EP400: variants seen among roughly 807,000 people sequenced by gnomAD.
EP400 encodes E1A-binding protein p400.
In EP400, 105 loss-of-function variants were observed where a neutral mutation model predicts 354.1. The observed-to-expected ratio is 0.30, with a 90% CI of 0.25 to 0.35. The LOEUF is 0.35. Ranked by LOEUF, EP400 falls within the 10% of genes least tolerant of loss-of-function variation. The pLI is 1.00. For synonymous variants in EP400, 1,646 were observed against 1,716.9 expected, an observed-to-expected ratio of 0.96 and a Z score of 1.02; for missense variants, 3,280 against 4,121.0, an observed-to-expected ratio of 0.80 and a Z score of 5.59.
rs1044824363 is a variant in EP400 at position 131,950,430 on chromosome 12, G to T, written c.-36+394G>T. Among the ~76,000 whole-genome samples, 21 of 152,294 alleles carry T rather than the reference G, an allele frequency of 1.4e-4. No homozygotes were observed. The East Asian group carries it at 3.5e-3, about 25-fold the overall frequency. ...GGTGGCTCTTGCTCCTGGCGCTTGCGTGGGCTTCCCTCGGGGTCACGGACG... is the reference window on the plus strand; with the variant it reads ...GGTGGCTCTTGCTCCTGGCGCTTGCTTGGGCTTCCCTCGGGGTCACGGACG... On this transcript the variant is annotated intron_variant, in intron 1 of 52. Transcript: ENST00000389561.
At chr12:131,953,390 T>G (rs538694480) in intron 1 of EP400, among the ~76,000 whole-genome samples, 153 of 152,354 alleles carry the variant, frequency 1.0e-3, no homozygotes, top group African/African-American at 3.5e-3. Context: ...CCTGTTCTAG[T>G]ATAGGAGCTT....
chr12:132,058,740 T>A (rs1033069251), intron 45 of EP400, among the ~76,000 whole-genome samples: 1 of 151,962 alleles, frequency 6.6e-6, no homozygotes, highest in Non-Finnish European at 1.5e-5. Context: ...TGCTCCTACG[T>A]ATGTAGAATT....
chr12:132,005,556 A>T (rs1266084825), intron 13 of EP400, among the ~76,000 whole-genome samples: 2 of 152,206 alleles, frequency 1.3e-5, no homozygotes, highest in African/African-American at 4.8e-5. Flanking sequence ...CACAGAGCAT[A>T]CCAGAAAAGG....
chr12:131,954,048 G>GT (rs1891607826), intron 1 of EP400, among the ~76,000 whole-genome samples: 2 of 152,134 alleles, frequency 1.3e-5, no homozygotes, highest in African/African-American at 4.8e-5. Context: ...AGGAGACAGA[G>GT]GTTGCAGTGA....
At chr12:132,041,430 T>G (rs887804177) in intron 32 of EP400, among the ~76,000 whole-genome samples, 9 of 152,244 alleles carry the variant, frequency 5.9e-5, no homozygotes, top group Non-Finnish European at 1.2e-4. Flanking sequence ...CTCTTGCGAA[T>G]TCTGACAGCA....
intron 45 of EP400, among the ~76,000 whole-genome samples, chr12:132,057,279 A>G (rs1288964993): frequency 6.6e-6 from 1 of 152,250 alleles, no homozygotes; most frequent in African/African-American, 2.4e-5. Context: ...CAGCTGGTGA[A>G]TGGGCTGATA....
At chr12:132,005,379 C>T (rs933775142) in intron 13 of EP400, among the ~76,000 whole-genome samples, 195 bp downstream of exon 13, 18 of 152,184 alleles carry the variant, frequency 1.2e-4, no homozygotes, top group African/African-American at 3.9e-4. Flanking sequence ...GCACAGTTAT[C>T]GGGGCACTTG....
intron 45 of EP400, among the ~76,000 whole-genome samples, chr12:132,061,771 G>A (rs1051388520): frequency 1.3e-5 from 2 of 152,254 alleles, no homozygotes; most frequent in Non-Finnish European, 2.9e-5. Context: ...TTTGTGGGTA[G>A]CATGGGTGCC....
At position 132,021,278 on chromosome 12, in the gene EP400, TCAGAGG is replaced by T; in HGVS notation, c.4649_4654del (p.Gln1550_Arg1551del). 6.5e-7 allele frequency: 1 copy of T among 1,529,574 alleles called. No individual in the cohort carries two copies. Among genetic ancestry groups the T allele is most frequent in the Non-Finnish European group, 8.7e-7 (1 of 1,144,278 alleles). The allele number at this position is 1,529,574 out of a possible 1,614,324, so 94.8% of individuals were successfully genotyped here. A position where few individuals can be genotyped will look rare whatever the true frequency, so the allele number is the denominator to read the frequency against. The stretch of plus-strand genomic sequence containing the variant: ...ACGCGGCCGGGCAGAGCGCGCTGCC[TCAGAGG>T]CTGGTGCTCCCCTCGCAGGCCCAGG... On this transcript the variant is annotated inframe_deletion, in exon 23 of 53. Transcript: ENST00000389561.
chr12:132,055,346 G>A (rs1425030197), intron 45 of EP400, 138 bp downstream of exon 45: 3 of 745,974 alleles, frequency 4.0e-6, no homozygotes, highest in African/African-American at 1.8e-5. Flanking sequence ...AAAATAAGTA[G>A]CTGATCAGTA....
Position 132,027,601 on chromosome 12 carries a change from G to A in EP400, c.5109+70G>A. 7.6e-7 allele frequency: 1 copy of A among 1,311,654 alleles called. No homozygotes were observed. Among genetic ancestry groups the A allele is most frequent in the Non-Finnish European group, 1.0e-6 (1 of 957,212 alleles). The allele number at this position is 1,311,654 out of a possible 1,614,324, so 81.3% of individuals were successfully genotyped here. A position where few individuals can be genotyped will look rare whatever the true frequency, so the allele number is the denominator to read the frequency against. ...TTTCCAAGAGCTGCTCGTTGTGTTT[G>A]GTTGTGATATTTAAAGGCTCCTGTG... On this transcript the variant is annotated intron_variant, in intron 26 of 52. Coordinates refer to ENST00000389561, the MANE Select transcript of EP400 (RefSeq NM_015409.5). The surrounding 1 kb of genome is among the most constrained non-coding windows in gnomAD (Gnocchi z 4.9).
chr12:131,956,990 G>C (rs529460310), intron 1 of EP400, among the ~76,000 whole-genome samples: 4 of 148,240 alleles, frequency 2.7e-5, no homozygotes, highest in Non-Finnish European at 4.4e-5. Context: ...TCCTGCCTCA[G>C]CCTCCCAAGT....
Position 132,052,558 on chromosome 12 carries a change from C to T in EP400, c.7395-588C>T, listed in dbSNP as rs1895332973. On this transcript the variant is annotated intron_variant, in intron 41 of 52. Transcript: ENST00000389561. This position sits in a 1 kb window ranked among gnomAD's most constrained non-coding sequence, Gnocchi z 4.4. ...TCCTCCATAGCAGCCAGTACGTCTT[C>T]AGACCCACTGCACATTTTACCTGTT... 6.6e-6 allele frequency among the ~76,000 whole-genome samples: 1 copy of T among 152,252 alleles called. No individual in the cohort carries two copies. The highest frequency in any genetic ancestry group is 1.5e-5 in the Non-Finnish European group (1 of 68,038).
rs762373484 is a variant in EP400, at chr12:131,987,787, C to T, written c.2306C>T (p.Ala769Val). 6.8e-6 allele frequency: 11 copies of T among 1,612,896 alleles called. No homozygotes were observed. The highest frequency in any genetic ancestry group is 8.5e-6 in the Non-Finnish European group (10 of 1,179,910). ...AGGCGTCTGCCAAAGCTGCAGGAGG[C>T]CCCACGCCCCAAGTCCCACTGGGAC... ...SQRRLPKLQE[A>V]PRPKSHWDYL... is the part of the protein sequence containing the mutation. Residue 769 changes from alanine (A) to valine (V), a missense_variant, in exon 7 of 53, where the codon GCC (alanine) becomes GTC (valine). Physicochemically the swap from Ala to Val is moderately conservative, Grantham distance 64. Around this residue, in one of 20 missense-constraint regions of EP400, gnomAD observed 800 missense variants for 840.0 expected, o/e 0.95. Coordinates refer to ENST00000389561, the MANE Select transcript of EP400 (RefSeq NM_015409.5).
At chr12:131,981,245 C>T (rs1464799253) in intron 3 of EP400, among the ~76,000 whole-genome samples, 3 of 152,312 alleles carry the variant, frequency 2.0e-5, no homozygotes, top group African/African-American at 7.2e-5. Flanking sequence ...CCGTCACACA[C>T]GTTGCAGTGT....
chr12:132,014,421 C>T (rs1430254695), intron 19 of EP400, among the ~76,000 whole-genome samples: 1 of 152,158 alleles, frequency 6.6e-6, no homozygotes, highest in Non-Finnish European at 1.5e-5. Flanking sequence ...CTGGCAGGGA[C>T]GTGCTGGTGC....
intron 39 of EP400, among the ~76,000 whole-genome samples, chr12:132,049,355 TAGG>T (rs1468524454): frequency 6.6e-6 from 1 of 152,198 alleles, no homozygotes; most frequent in Non-Finnish European, 1.5e-5. Flanking sequence ...GGATAATAGG[TAGG>T]AGGAGAATGC....
At chr12:131,950,821 A>C (rs1341247654) in intron 1 of EP400, among the ~76,000 whole-genome samples, 1 of 152,112 alleles carries the variant, frequency 6.6e-6, no homozygotes, top group Non-Finnish European at 1.5e-5. Context: ...TGGCGCGATG[A>C]CGGCTCACTA....
intron 2 of EP400, among the ~76,000 whole-genome samples, chr12:131,966,541 C>A (rs528853974): frequency 7.2e-6 from 1 of 138,784 alleles, no homozygotes; most frequent in Non-Finnish European, 1.5e-5. Context: ...CCAGCCTGGG[C>A]CACAGAGTGA....
Sources: gnomAD v4.1 joint callset for allele counts (sites outside exome capture counted in the v4.1 genomes callset) on GRCh38, gnomAD v4.1.1 for gene constraint, gnomAD v4.1.1 regional missense constraint, Gnocchi (gnomAD v3.1) non-coding constraint, MANE v1.5 for transcripts, NCBI Gene and HGNC (gene_info 2026-07-23, HGNC 2026-07-21) for gene names.